The following TUBB8B variants were observed in gnomAD, a reference collection of about 807,000 sequenced individuals.
TUBB8B encodes the protein tubulin beta 8B.
In TUBB8B, 26 loss-of-function variants were observed where a neutral mutation model predicts 31.9. The observed-to-expected ratio is 0.81, with a 90% CI of 0.60 to 1.13. The LOEUF (loss-of-function observed/expected upper bound fraction) is 1.13. Ranked by LOEUF, TUBB8B falls within the 50% of genes most tolerant of loss-of-function variation. The pLI is 0.00. For synonymous variants in TUBB8B, 173 were observed against 231.0 expected, an observed-to-expected ratio of 0.75 and a Z score of 2.28; for missense variants, 467 against 586.7, an observed-to-expected ratio of 0.80 and a Z score of 2.11.
chr18:71,949 C>T, the TUBB8B span, among the ~76,000 whole-genome samples: 10 of 151,918 alleles, frequency 6.6e-5, no homozygotes, highest in East Asian at 3.9e-4. Context: ...GAGGCCAAGG[C>T]GGGTGGATCA....
At chr18:70,694 A>C in the TUBB8B span, among the ~76,000 whole-genome samples, 913 of 152,196 alleles carry the variant, frequency 6.0e-3, 9 homozygotes, top group Non-Finnish European at 9.9e-3. Context: ...TCACACCTGT[A>C]ATCCCCAGCA....
chr18:68,086 C>A, the TUBB8B span, among the ~76,000 whole-genome samples: 2 of 152,164 alleles, frequency 1.3e-5, no homozygotes, highest in Non-Finnish European at 2.9e-5. Context: ...CTTACACTGA[C>A]CTGAATTTGG....
At chr18:65,699 C>T in the TUBB8B span, among the ~76,000 whole-genome samples, 1 of 152,070 alleles carries the variant, frequency 6.6e-6, no homozygotes, top group Non-Finnish European at 1.5e-5. Context: ...AAGTTCCATC[C>T]ACAACAAATA....
At chr18:67,819 T>C in the TUBB8B span, among the ~76,000 whole-genome samples, 64 of 152,190 alleles carry the variant, frequency 4.2e-4, no homozygotes, top group African/African-American at 1.5e-3. Flanking sequence ...ACGAGATTCA[T>C]GACACTCCTA....
chr18:67,010 T>C, the TUBB8B span, among the ~76,000 whole-genome samples: 150 of 151,652 alleles, frequency 9.9e-4, 1 homozygote, highest in Admixed American at 4.1e-3. Flanking sequence ...TTTTTTTTTT[T>C]CCAGAAACGG....
chr18:57,059 A>T, the TUBB8B span, among the ~76,000 whole-genome samples: 1 of 151,774 alleles, frequency 6.6e-6, no homozygotes, highest in Non-Finnish European at 1.5e-5. Context: ...GACTAGGCCC[A>T]CTTCCAACAT....
chr18:49,975 A>G (rs182878968), upstream of TUBB8B: 1 of 412,572 alleles, frequency 2.4e-6, no homozygotes, highest in South Asian at 1.6e-5. Context: ...CATTTCATCT[A>G]TTAGGAGATC....
chr18:59,976 T>C, the TUBB8B span, among the ~76,000 whole-genome samples: 1 of 151,820 alleles, frequency 6.6e-6, no homozygotes, highest in Non-Finnish European at 1.5e-5. Context: ...TTTGCTAGGT[T>C]TTTTGCAAAT....
upstream of TUBB8B, among the ~76,000 whole-genome samples, chr18:51,559 C>T (rs1906106737): frequency 1.3e-5 from 2 of 152,134 alleles, no homozygotes; most frequent in Middle Eastern, 3.4e-3. Context: ...CCTGTCTCAG[C>T]CTCCCGAGTA....
chr18:70,058 G>A, the TUBB8B span, among the ~76,000 whole-genome samples: 8 of 152,218 alleles, frequency 5.3e-5, no homozygotes, highest in East Asian at 1.6e-3. Flanking sequence ...TCAAGAGGCT[G>A]AGGACGAATT....
chr18:63,414 T>G, the TUBB8B span, among the ~76,000 whole-genome samples: 2 of 151,630 alleles, frequency 1.3e-5, no homozygotes, highest in African/African-American at 4.8e-5. Flanking sequence ...AGATTCTAGT[T>G]CTCTTCCCTT....
the TUBB8B span, among the ~76,000 whole-genome samples, chr18:56,929 A>T: frequency 6.6e-6 from 1 of 151,872 alleles, no homozygotes. Context: ...GCAGGGGGGA[A>T]GTGCTACACA....
upstream of TUBB8B, among the ~76,000 whole-genome samples, chr18:51,543 G>A (rs1024926952): frequency 2.6e-5 from 4 of 151,948 alleles, no homozygotes; most frequent in South Asian, 4.1e-4. Flanking sequence ...GGGTTCAAGC[G>A]ATTCTCCTGT....
the TUBB8B span, among the ~76,000 whole-genome samples, chr18:62,092 C>T: frequency 2.0e-5 from 3 of 151,638 alleles, no homozygotes; most frequent in Non-Finnish European, 4.4e-5. Context: ...GTTTAAAGGA[C>T]TTTTTGCCAG....
the TUBB8B span, among the ~76,000 whole-genome samples, chr18:65,861 C>A: frequency 2.6e-5 from 4 of 152,172 alleles, no homozygotes; most frequent in Non-Finnish European, 4.4e-5. Context: ...AAAATTACAA[C>A]ACAAAATGTC....
the TUBB8B span, among the ~76,000 whole-genome samples, chr18:64,445 C>T: frequency 1.3e-5 from 2 of 152,124 alleles, no homozygotes; most frequent in East Asian, 3.9e-4. Flanking sequence ...TGTGTGCAGG[C>T]TGGGCATGGT....
upstream of TUBB8B, among the ~76,000 whole-genome samples, chr18:53,562 G>A (rs1358926008): frequency 4.0e-5 from 6 of 151,660 alleles, no homozygotes; most frequent in South Asian, 2.1e-4. Flanking sequence ...TCTGCCTCCC[G>A]GGTTCAAGTG....
rs562086001 is a variant in TUBB8B at position 49,185 on chromosome 18, T to A, written c.110A>T (p.His37Leu). Residue 37 changes from histidine to leucine, a missense_variant, in exon 2 of 4, where the codon CAC (histidine) becomes CTC (leucine). This residue lies in a region of TUBB8B where 259 missense variants were observed against 380.1 expected (regional missense o/e 0.68). Coordinates refer to ENST00000308911, the MANE Select transcript of TUBB8B (RefSeq NM_001358689.2). ...EHAIDSAGTY[H>L]GDSHLQLERI... ...CTCCAGCTGCAGGTGGCTGTCCCCG[T>A]GGTAGGTGCCAGCGGAGTCGATGGC... 87 of 1,500,910 alleles carry A rather than the reference T, an allele frequency of 5.8e-5. No individual in the cohort carries two copies. The African/African-American group carries it at 1.2e-3, about 21-fold the overall frequency. 93.0% of individuals were successfully genotyped at this position (1,500,910 alleles called of 1,614,324 possible). A position where few individuals can be genotyped will look rare whatever the true frequency, so the allele number is the denominator to read the frequency against.
chr18:48,249 T>C lies in TUBB8B; in HGVS notation c.476A>G (p.Tyr159Cys). 1 of 1,612,498 alleles carries C rather than the reference T, an allele frequency of 6.2e-7. No individual in the cohort carries two copies. The highest frequency in any genetic ancestry group is 8.5e-7 in the Non-Finnish European group (1 of 1,178,656). ...TLLISKIREEYPDRIINTFSI... is the reference protein window; with the variant it reads ...TLLISKIREECPDRIINTFSI... ...GAATGTGTTTATGATCCTGTCTGGG[T>C]ACTCCTCCCGGATCTTACTAATGAG... is the stretch of plus-strand genomic sequence containing the variant. Residue 159 changes from tyrosine to cysteine, a missense_variant, in exon 4 of 4, where the codon TAC (tyrosine) becomes TGC (cysteine). Tyr to Cys is a radical substitution (Grantham distance 194). Transcript: ENST00000308911.
Sources: allele counts gnomAD v4.1 joint callset (sites outside exome capture counted in the v4.1 genomes callset), GRCh38; gene constraint gnomAD v4.1.1; regional missense constraint gnomAD v4.1.1; transcripts MANE v1.5; gene names NCBI Gene and HGNC (gene_info 2026-07-23, HGNC 2026-07-21).